Variants in PRKDC observed in about 807,000 individuals in gnomAD.
The protein encoded by PRKDC is protein kinase, DNA-activated, catalytic subunit.
Under a neutral mutation model 486.9 loss-of-function variants are expected in PRKDC, and 82 were observed. The observed-to-expected ratio is 0.17, with a 90% CI of 0.14 to 0.20. The LOEUF (loss-of-function observed/expected upper bound fraction) is 0.20. PRKDC is among the 10% of genes least tolerant of loss of function. The pLI is 1.00. For missense variants in PRKDC, 4,504 were observed against 5,038.2 expected (o/e 0.89, Z 3.21); for synonymous variants, 1,895 against 1,837.0 (o/e 1.03, Z -0.81).
At chr8:47,865,543 G>A (rs1015869378) in intron 40 of PRKDC, among the ~76,000 whole-genome samples, 1 of 151,754 alleles carries the variant, frequency 6.6e-6, no homozygotes, top group African/African-American at 2.4e-5. Flanking sequence ...ATAAAGTTTT[G>A]TCTATAAATC....
intron 27 of PRKDC, among the ~76,000 whole-genome samples, chr8:47,901,957 A>T (rs2089691980): frequency 6.6e-6 from 1 of 151,844 alleles, no homozygotes; most frequent in Non-Finnish European, 1.5e-5. Context: ...ACTCAGACCC[A>T]CTCTCTACAC....
chr8:47,790,856 C>T (rs1407933688), intron 74 of PRKDC, among the ~76,000 whole-genome samples: 2 of 152,074 alleles, frequency 1.3e-5, no homozygotes, highest in African/African-American at 4.8e-5. Context: ...ACTGGGTATC[C>T]ATATGCAGAA....
At chr8:47,949,773 G>A (rs754659127) in intron 7 of PRKDC, among the ~76,000 whole-genome samples, 2 of 152,104 alleles carry the variant, frequency 1.3e-5, no homozygotes, top group South Asian at 2.1e-4. Context: ...AGAGGAGAGA[G>A]AAGACACGAA....
At chr8:47,777,093 G>A in intron 84 of PRKDC, 110 bp from the exon 85 acceptor site, 7 of 1,367,794 alleles carry the variant, frequency 5.1e-6, no homozygotes, top group Non-Finnish European at 6.9e-6. Flanking sequence ...TCTATAACCA[G>A]GAGCAGCCTT....
At chr8:47,934,813 T>C (rs1466595742) in intron 14 of PRKDC, among the ~76,000 whole-genome samples, 196 bp downstream of exon 14, 5 of 152,242 alleles carry the variant, frequency 3.3e-5, no homozygotes, top group African/African-American at 1.2e-4. Context: ...TGCTTAAAGA[T>C]GTTTCATACC....
chr8:47,928,152 G>A (rs1222676825), intron 19 of PRKDC, among the ~76,000 whole-genome samples: 1 of 149,142 alleles, frequency 6.7e-6, no homozygotes, highest in Non-Finnish European at 1.5e-5. Flanking sequence ...GAGCTTGAGG[G>A]ACTTTTTTTT....
At chr8:47,929,496 C>CA (rs2090214200) in intron 18 of PRKDC, among the ~76,000 whole-genome samples, 1 of 152,222 alleles carries the variant, frequency 6.6e-6, no homozygotes, top group African/African-American at 2.4e-5. Flanking sequence ...CAGTTGTTCT[C>CA]AAACTTCACT....
intron 68 of PRKDC, among the ~76,000 whole-genome samples, chr8:47,813,121 T>G (rs1220908215): frequency 6.7e-6 from 1 of 149,960 alleles, no homozygotes; most frequent in African/African-American, 2.5e-5. Context: ...ATTTATTTAT[T>G]TATTTATTTA....
chr8:47,951,560 C>T (rs2090625149), intron 7 of PRKDC, among the ~76,000 whole-genome samples: 1 of 151,748 alleles, frequency 6.6e-6, no homozygotes, highest in South Asian at 2.1e-4. Context: ...CGTGTCTCTA[C>T]AAAACATTTT....
chr8:47,938,023 C>T (rs981743636), intron 11 of PRKDC, among the ~76,000 whole-genome samples: 1 of 152,022 alleles, frequency 6.6e-6, no homozygotes, highest in South Asian at 2.1e-4. Flanking sequence ...GTTAAGGCAG[C>T]AGGATTGCTT....
intron 48 of PRKDC, among the ~76,000 whole-genome samples, chr8:47,857,506 C>T (rs1164317617): frequency 6.6e-6 from 1 of 152,168 alleles, no homozygotes; most frequent in East Asian, 1.9e-4. Flanking sequence ...AATCAGGACA[C>T]AGAGACAGAT....
At chr8:47,923,680 CTGTGAAGG>C (rs2090110574) in intron 21 of PRKDC, among the ~76,000 whole-genome samples, 1 of 152,196 alleles carries the variant, frequency 6.6e-6, no homozygotes, top group Non-Finnish European at 1.5e-5. Context: ...GCCATGCTGG[CTGTGAAGG>C]TGTAGGGGCC....
At chr8:47,779,527 C>A (rs893112818) in intron 80 of PRKDC, among the ~76,000 whole-genome samples, 2 of 152,216 alleles carry the variant, frequency 1.3e-5, no homozygotes, top group African/African-American at 4.8e-5. Context: ...CCAAAAAGCC[C>A]GCACAGTTTT....
rs2090325010 is a variant in PRKDC, at chr8:47,935,061, G to A, written c.1448-3C>T. ...TATTCTGATTAAACCCTGATGCACT[G>A]AAAAAAGAAAAAGAAAACAAAAATG... On this transcript the variant is annotated splice_polypyrimidine_tract_variant and splice_region_variant and intron_variant, in intron 13 of 85. Transcript: ENST00000314191. The A allele has an allele frequency of 4.8e-6, 7 of 1,471,764 alleles. No homozygotes were observed. The highest frequency in any genetic ancestry group is 6.4e-6 in the Non-Finnish European group (7 of 1,101,400). 91.2% of individuals were successfully genotyped at this position (1,471,764 alleles called of 1,614,324 possible). A position where few individuals can be genotyped will look rare whatever the true frequency, so the allele number is the denominator to read the frequency against.
At chr8:47,906,039 C>A (rs1265449748) in intron 25 of PRKDC, among the ~76,000 whole-genome samples, 2 of 152,122 alleles carry the variant, frequency 1.3e-5, no homozygotes, top group Non-Finnish European at 2.9e-5. Flanking sequence ...CAGATCTAAC[C>A]CTCATTATAC....
At position 47,887,621 on chromosome 8, in the gene PRKDC, G is replaced by A. The variant is rs769975720; in HGVS notation, c.4498C>T (p.Leu1500=). ...TTACAACTGAGGTCTAGAGAAGGCA[G>A]ACACTGTCTCTCATCTCCAGGGGCA... ...GIAPGDERQC[L]PSLDLSCKQL... is the part of the protein sequence containing the mutation. Residue 1500 remains leucine (L), a synonymous_variant, in exon 35 of 86, where the codon CTG becomes TTG. Coordinates refer to ENST00000314191, the MANE Select transcript of PRKDC (RefSeq NM_006904.7). 15 of 1,605,662 alleles carry A rather than the reference G, an allele frequency of 9.3e-6. No homozygotes were observed. The South Asian group carries it at 1.0e-4, about 11-fold the overall frequency.
chr8:47,823,971 C>T lies in PRKDC; in HGVS notation c.8809G>A (p.Asp2937Asn), dbSNP rs1178259012. ...AKLYRSIGEY[D>N]VLRGIFTSEI... is the part of the protein sequence containing the mutation. The stretch of plus-strand genomic sequence containing the variant: ...CTGGTAAAAATCCCACGGAGGACGT[C>T]GTATTCTCCAATTGATCTATACAGC... Residue 2937 changes from aspartate (D) to asparagine (N), a missense_variant, in exon 64 of 86, where the codon GAC becomes AAC. Physicochemically the swap from Asp to Asn is conservative, Grantham distance 23. This residue lies in a region of PRKDC where 1,592 missense variants were observed against 1,724.6 expected (regional missense o/e 0.92). Transcript: ENST00000314191. 1.2e-6 allele frequency: 2 copies of T among 1,613,040 alleles called. No homozygotes were observed. Among genetic ancestry groups the T allele is most frequent in the South Asian group, 2.2e-5 (2 of 90,932 alleles).
At chr8:47,841,150 A>C (rs932076078) in intron 54 of PRKDC, among the ~76,000 whole-genome samples, 1 of 152,316 alleles carries the variant, frequency 6.6e-6, no homozygotes, top group Non-Finnish European at 1.5e-5. Context: ...TACTAGCCAC[A>C]AGAGATCCCA....
chr8:47,935,720 T>TACTCATAAATACAATAAA lies in PRKDC; in HGVS notation c.1447+11_1447+12insTTTATTGTATTTATGAGT, dbSNP rs772914448. 6.2e-6 allele frequency: 10 copies of TACTCATAAATACAATAAA among 1,611,122 alleles called. No individual in the cohort carries two copies. The highest frequency in any genetic ancestry group is 8.5e-6 in the Non-Finnish European group (10 of 1,178,156). On this transcript the variant is annotated intron_variant, in intron 13 of 85. Coordinates refer to ENST00000314191, the MANE Select transcript of PRKDC (RefSeq NM_006904.7). ...CATCATTACTCATAAATACAATAAA[T>TACTCATAAATACAATAAA]TGCAAACTTACCCACAGTACTAATG...
Sources: allele counts gnomAD v4.1 joint callset (sites outside exome capture counted in the v4.1 genomes callset), GRCh38; gene constraint gnomAD v4.1.1; regional missense constraint gnomAD v4.1.1; transcripts MANE v1.5; gene names NCBI Gene and HGNC (gene_info 2026-07-23, HGNC 2026-07-21).